LYSMD1: variants seen among roughly 807,000 people sequenced by gnomAD.
LYSMD1 encodes LysM domain containing 1.
Under a neutral mutation model 19.3 loss-of-function variants are expected in LYSMD1, and 9 were observed. That is an observed-to-expected ratio of 0.47 (90% CI 0.28 to 0.81). The LOEUF is 0.81. Ranked by LOEUF, LYSMD1 falls within the 40% of genes least tolerant of loss-of-function variation. LYSMD1 has a pLI of 0.11. For synonymous variants in LYSMD1, 111 were observed against 111.7 expected (o/e 0.99, Z 0.04); for missense variants, 262 against 279.8 (o/e 0.94, Z 0.45).
At chr1:151,162,879 C>A (rs1387662363) in intron 1 of LYSMD1, among the ~76,000 whole-genome samples, 1 of 152,100 alleles carries the variant, frequency 6.6e-6, no homozygotes, top group Non-Finnish European at 1.5e-5. Context: ...ACTGGCCTTC[C>A]TCGCTCTATT....
At chr1:151,161,446 A>G (rs587647351) in intron 2 of LYSMD1, among the ~76,000 whole-genome samples, 31 of 152,038 alleles carry the variant, frequency 2.0e-4, no homozygotes, top group Non-Finnish European at 4.1e-4. Context: ...GCAGTGAGCC[A>G]AGATCGCGCC....
chr1:151,162,289 A>G (rs1005503226), intron 1 of LYSMD1, among the ~76,000 whole-genome samples, 189 bp from the exon 2 acceptor site: 6 of 152,086 alleles, frequency 3.9e-5, no homozygotes, highest in Non-Finnish European at 2.9e-5. Context: ...GCCCCCTTAC[A>G]TTTTAAAAAA....
chr1:151,149,256 T>C, the LYSMD1 span, among the ~76,000 whole-genome samples: 1 of 151,176 alleles, frequency 6.6e-6, no homozygotes, highest in South Asian at 2.1e-4. Flanking sequence ...ATTAGCCGGG[T>C]GTGGTGATGG....
chr1:151,164,544 C>A (rs1341737606), intron 1 of LYSMD1, among the ~76,000 whole-genome samples: 1 of 152,092 alleles, frequency 6.6e-6, no homozygotes, highest in Non-Finnish European at 1.5e-5. Flanking sequence ...AAGGAGGCCA[C>A]CTTACTGGAA....
At chr1:151,163,688 C>A (rs369158084) in intron 1 of LYSMD1, among the ~76,000 whole-genome samples, 3 of 151,526 alleles carry the variant, frequency 2.0e-5, no homozygotes, top group Non-Finnish European at 2.9e-5. Flanking sequence ...CCACCATGCC[C>A]GGCTAATTTT....
chr1:151,153,192 A>G, the LYSMD1 span, among the ~76,000 whole-genome samples: 1 of 152,222 alleles, frequency 6.6e-6, no homozygotes, highest in South Asian at 2.1e-4. Flanking sequence ...TGTTTTGCAC[A>G]TTTAAGATAC....
At chr1:151,156,100 CAAAA>C (rs751524835), downstream of LYSMD1, among the ~76,000 whole-genome samples, 19 of 38,126 alleles carry the variant, frequency 5.0e-4, no homozygotes, top group South Asian at 1.9e-3. Context: ...AACTCTGTCT[CAAAA>C]AAAAAAAAAA....
chr1:151,165,288 A>C lies in LYSMD1; in HGVS notation c.-30T>G. 1.2e-6 allele frequency: 2 copies of C among 1,600,418 alleles called. No individual in the cohort carries two copies. The highest frequency in any genetic ancestry group is 2.2e-5 in the South Asian group (2 of 90,146). On this transcript the variant is annotated 5_prime_UTR_variant, in exon 1 of 3. Coordinates refer to ENST00000368908, the MANE Select transcript of LYSMD1 (RefSeq NM_212551.5). ...TCACCCTGCCAACAGCTAAGGTTGC[A>C]ACTAGGGGAGGTACGACCGAGACTG...
At chr1:151,154,963 T>C (rs963963988), downstream of LYSMD1, among the ~76,000 whole-genome samples, 1 of 152,150 alleles carries the variant, frequency 6.6e-6, no homozygotes, top group African/African-American at 2.4e-5. Flanking sequence ...TTTCACCACG[T>C]TGGCCAGGCT....
At chr1:151,157,161 G>C (rs1426804452), downstream of LYSMD1, among the ~76,000 whole-genome samples, 2 of 152,166 alleles carry the variant, frequency 1.3e-5, no homozygotes, top group African/African-American at 4.8e-5. Flanking sequence ...GAAGGCCAAG[G>C]AGGAAGGAAG....
Position 151,165,614 on chromosome 1 carries a change from CAG to C in LYSMD1, c.-358_-357del. The C allele has an allele frequency of 6.5e-7, 1 of 1,530,950 alleles. No homozygotes were observed. The highest frequency in any genetic ancestry group is 8.8e-7 in the Non-Finnish European group (1 of 1,140,422). 94.8% of individuals were successfully genotyped at this position (1,530,950 alleles called of 1,614,324 possible). ...AGTTTGCCCCCAAGTAGCCTGGCCTCAGGGCGCTCCAACATCCCAGCTCTCCC... is the reference window on the plus strand; with the variant it reads ...AGTTTGCCCCCAAGTAGCCTGGCCTCGGCGCTCCAACATCCCAGCTCTCCC... On this transcript the variant is annotated 5_prime_UTR_variant, in exon 1 of 3. An upstream open reading frame in the 5' UTR loses its in-frame stop. Transcript: ENST00000368908.
Position 151,165,420 on chromosome 1 carries a change from C to G in LYSMD1, c.-162G>C. 1 of 1,437,272 alleles carries G rather than the reference C, an allele frequency of 7.0e-7. No homozygotes were observed. Among genetic ancestry groups the G allele is most frequent in the South Asian group, 1.5e-5 (1 of 66,834 alleles). 89.0% of individuals were successfully genotyped at this position (1,437,272 alleles called of 1,614,324 possible). A position where few individuals can be genotyped will look rare whatever the true frequency, so the allele number is the denominator to read the frequency against. Reference sequence around the variant, plus strand: ...CAGCACTACGCCATCTGCCCCCTCCCGGTTTCTCCTCCCTCCAAGCTACTT... The same window carrying G: ...CAGCACTACGCCATCTGCCCCCTCCGGGTTTCTCCTCCCTCCAAGCTACTT... On this transcript the variant is annotated 5_prime_UTR_variant, in exon 1 of 3. Transcript: ENST00000368908.
the LYSMD1 span, among the ~76,000 whole-genome samples, chr1:151,154,709 G>A: frequency 3.3e-5 from 5 of 151,916 alleles, no homozygotes; most frequent in Non-Finnish European, 7.4e-5. Flanking sequence ...GCAGAGGCGC[G>A]ATCTCGGCTC....
chr1:151,165,369 T>G lies in LYSMD1; in HGVS notation c.-111A>C, dbSNP rs1683640989. ...TATTCAGGGGATTCCTTTCCCCCTC[T>G]CTCTTCCCCTGTGTCCCCGCCTCCC... On this transcript the variant is annotated 5_prime_UTR_variant, in exon 1 of 3. Transcript: ENST00000368908. 2.0e-6 allele frequency: 3 copies of G among 1,490,636 alleles called. No individual in the cohort carries two copies. Among genetic ancestry groups the G allele is most frequent in the Non-Finnish European group, 2.7e-6 (3 of 1,122,088 alleles). The allele number at this position is 1,490,636 out of a possible 1,614,324, so 92.3% of individuals were successfully genotyped here. A position where few individuals can be genotyped will look rare whatever the true frequency, so the allele number is the denominator to read the frequency against.
At chr1:151,159,692 G>A (rs771500618), downstream of LYSMD1, 21 of 193,198 alleles carry the variant, frequency 1.1e-4, no homozygotes, top group Non-Finnish European at 2.1e-4. Flanking sequence ...CAGAGTGCAG[G>A]AAGAAGGGGC....
downstream of LYSMD1, chr1:151,158,532 A>G (rs892316166): frequency 1.0e-4 from 64 of 639,260 alleles, no homozygotes; most frequent in Non-Finnish European, 1.6e-4. Flanking sequence ...GGAGCAAGGC[A>G]TAGAGGACTG....
At chr1:151,162,201 A>G in intron 1 of LYSMD1, 101 bp from the exon 2 acceptor site, 1 of 1,123,350 alleles carries the variant, frequency 8.9e-7, no homozygotes, top group Non-Finnish European at 1.3e-6. Flanking sequence ...TGATTCCATA[A>G]CAACCAAGCT....
At position 151,160,751 on chromosome 1, in the gene LYSMD1, G is replaced by C. The variant is rs894718237; in HGVS notation, c.*131C>G. On this transcript the variant is annotated 3_prime_UTR_variant, in exon 3 of 3. Coordinates refer to ENST00000368908, the MANE Select transcript of LYSMD1 (RefSeq NM_212551.5). ...GGCCAAGGAATTTTTGGCAGACAAG[G>C]AGGCTGGGGAGGATGGCTGGAGTGG... is the stretch of plus-strand genomic sequence containing the variant. The C allele has an allele frequency of 1.7e-6, 2 of 1,174,776 alleles. No homozygotes were observed. Among genetic ancestry groups the C allele is most frequent in the Admixed American group, 4.6e-5 (2 of 43,218 alleles). The allele number at this position is 1,174,776 out of a possible 1,614,324, so 72.8% of individuals were successfully genotyped here.
chr1:151,149,437 C>G, the LYSMD1 span, among the ~76,000 whole-genome samples: 1 of 151,746 alleles, frequency 6.6e-6, no homozygotes, highest in African/African-American at 2.4e-5. Context: ...TTCCTACTCC[C>G]TTAGTGTTTT....
Sources: gnomAD v4.1 joint callset for allele counts (sites outside exome capture counted in the v4.1 genomes callset) on GRCh38, gnomAD v4.1.1 for gene constraint, MANE v1.5 for transcripts, NCBI Gene and HGNC (gene_info 2026-07-23, HGNC 2026-07-21) for gene names.